Variants in TOPBP1 observed in about 807,000 individuals in gnomAD.
TOPBP1 encodes the protein DNA topoisomerase II binding protein 1, also known as DNA topoisomerase 2-binding protein 1.
In TOPBP1, 28 loss-of-function variants were observed where a neutral mutation model predicts 167.7. That is an observed-to-expected ratio of 0.17 (90% CI 0.12 to 0.23). TOPBP1 has a LOEUF of 0.23. Ranked by LOEUF, TOPBP1 falls within the 10% of genes least tolerant of loss-of-function variation. The pLI, the probability that TOPBP1 is intolerant of heterozygous loss-of-function variation, is 1.00. For synonymous variants in TOPBP1, 598 were observed against 611.4 expected (o/e 0.98, Z 0.32); for missense variants, 1,554 against 1,809.6 (o/e 0.86, Z 2.56).
At position 133,643,241 on chromosome 3, in the gene TOPBP1, T is replaced by G. The variant is rs772823707; in HGVS notation, c.1980A>C (p.Glu660Asp). ...TTGCTAGGAATGTTAAAGACTCTTT[T>G]TCTGCTCCAGCACACTGGCTAAATG... ...VISFSQCAGA[E>D]KESLTFLANL... Residue 660 changes from glutamate (E) to aspartate (D), a missense_variant, in exon 12 of 28, where the codon GAA (glutamate) becomes GAC (aspartate). By Grantham distance (45) the Glu-to-Asp change is conservative. Coordinates refer to ENST00000260810, the MANE Select transcript of TOPBP1 (RefSeq NM_007027.4). The G allele has an allele frequency of 1.5e-5, 24 of 1,606,412 alleles. No homozygotes were observed. The highest frequency in any genetic ancestry group is 2.0e-5 in the Non-Finnish European group (24 of 1,177,514).
At chr3:133,644,524 G>A (rs1012963288) in intron 10 of TOPBP1, among the ~76,000 whole-genome samples, 161 bp from the exon 11 acceptor site, 8 of 152,156 alleles carry the variant, frequency 5.3e-5, no homozygotes, top group Non-Finnish European at 7.4e-5. Flanking sequence ...CCCCGTCTTC[G>A]GGGTTACCAA....
chr3:133,659,837 A>T (rs1486007237), intron 2 of TOPBP1, among the ~76,000 whole-genome samples: 2 of 152,040 alleles, frequency 1.3e-5, no homozygotes, highest in Non-Finnish European at 2.9e-5. Context: ...ATATCCTGAC[A>T]CCCAGTAAGC....
Position 133,657,872 on chromosome 3 carries a change from C to A in TOPBP1, c.289G>T (p.Ala97Ser). Reference protein sequence around the residue: ...CMHHQRCVPRAEHPVYNMVMS... With the variant: ...CMHHQRCVPRSEHPVYNMVMS... ...ACCATATTATAAACTGGATGTTCGG[C>A]TCTTGGGACACATCGCTGGTGGTGC... Residue 97 changes from alanine (A) to serine (S), a missense_variant, in exon 4 of 28, where the codon GCC (alanine) becomes TCC (serine). Physicochemically the swap from Ala to Ser is moderately conservative, Grantham distance 99. This residue lies in a region of TOPBP1 where 1,197 missense variants were observed against 1,351.5 expected (regional missense o/e 0.89). Coordinates refer to ENST00000260810, the MANE Select transcript of TOPBP1 (RefSeq NM_007027.4). 6.2e-7 allele frequency: 1 copy of A among 1,601,550 alleles called. No homozygotes were observed. Among genetic ancestry groups the A allele is most frequent in the South Asian group, 1.1e-5 (1 of 89,024 alleles).
chr3:133,608,747 T>C, intron 26 of TOPBP1, 51 bp from the exon 27 acceptor site: 1 of 1,601,870 alleles, frequency 6.2e-7, no homozygotes, highest in Non-Finnish European at 8.5e-7. Context: ...CCAAAGTAGT[T>C]CAGCTGTATA....
chr3:133,646,983 T>C (rs1394228202), intron 10 of TOPBP1, among the ~76,000 whole-genome samples: 1 of 152,212 alleles, frequency 6.6e-6, no homozygotes, highest in African/African-American at 2.4e-5. Context: ...ATCTGTGCAG[T>C]AACCCAGACC....
rs1934283912 is a variant in TOPBP1 at position 133,601,241 on chromosome 3, T to C, written c.*9A>G. 2.5e-6 allele frequency: 4 copies of C among 1,589,722 alleles called. No homozygotes were observed. The South Asian group carries it at 3.5e-5, about 14-fold the overall frequency. On this transcript the variant is annotated 3_prime_UTR_variant, in exon 28 of 28. Coordinates refer to ENST00000260810, the MANE Select transcript of TOPBP1 (RefSeq NM_007027.4). ...CATTTAATGTTTGGTAACTAAAGGG[T>C]AGATGCGATTAGTGTACTCTAGGTC...
chr3:133,615,444 T>C (rs971687931), intron 23 of TOPBP1, among the ~76,000 whole-genome samples: 2 of 152,196 alleles, frequency 1.3e-5, no homozygotes, highest in Admixed American at 1.3e-4. Context: ...GCCATGGCAC[T>C]CAAGCCTGGG....
At chr3:133,601,415 AT>A in intron 27 of TOPBP1, 22 bp from the exon 28 acceptor site, 1 of 1,431,560 alleles carries the variant, frequency 7.0e-7, no homozygotes, top group Admixed American at 3.2e-5. Context: ...AAAATAAGTG[AT>A]TTTTTAAAAT....
At chr3:133,656,585 G>A in intron 5 of TOPBP1, 91 bp downstream of exon 5, 2 of 1,251,996 alleles carry the variant, frequency 1.6e-6, no homozygotes, top group South Asian at 3.6e-5. Flanking sequence ...TTTTTTCCCT[G>A]AATAGTAAGT....
intron 10 of TOPBP1, among the ~76,000 whole-genome samples, chr3:133,645,700 A>C (rs1047439513): frequency 6.6e-6 from 1 of 152,210 alleles, no homozygotes; most frequent in African/African-American, 2.4e-5. Flanking sequence ...AGTTCTTATA[A>C]ACCATCAGTA....
At chr3:133,632,884 T>G (rs1935535808) in intron 14 of TOPBP1, among the ~76,000 whole-genome samples, 1 of 152,168 alleles carries the variant, frequency 6.6e-6, no homozygotes, top group Admixed American at 6.6e-5. Flanking sequence ...GCAATCCTCC[T>G]GCCTCCGCCT....
intron 21 of TOPBP1, 27 bp downstream of exon 21, chr3:133,618,186 C>T (rs1306089416): frequency 6.3e-7 from 1 of 1,576,794 alleles, no homozygotes. Flanking sequence ...TTAATACAAA[C>T]AAATGCAAAG....
rs767455840 is a variant in TOPBP1 at position 133,624,136 on chromosome 3, T to C, written c.2844A>G (p.Gln948=). 1.2e-6 allele frequency: 2 copies of C among 1,613,740 alleles called. No homozygotes were observed. The highest frequency in any genetic ancestry group is 2.2e-5 in the East Asian group (1 of 44,878). ...FDETVTHFIY[Q]GRPNDTNREY... ...CCCGATTAGTGTCATTTGGCCGCCC[T>C]TGATAGATGAAATGAGTCACTGTTT... The change falls in exon 17 of 28, where the codon CAA becomes CAG. Residue 948 remains glutamine (Q), a synonymous_variant. Coordinates refer to ENST00000260810, the MANE Select transcript of TOPBP1 (RefSeq NM_007027.4).
chr3:133,643,948 G>C lies in TOPBP1; in HGVS notation c.1848+72C>G, dbSNP rs367804982. 342 of 1,425,016 alleles carry C rather than the reference G, an allele frequency of 2.4e-4. 2 individuals are homozygous for C. Among genetic ancestry groups the C allele is most frequent in the Middle Eastern group, 1.1e-3 (6 of 5,458 alleles). The allele number at this position is 1,425,016 out of a possible 1,614,324, so 88.3% of individuals were successfully genotyped here. ...GATTTACTGTAACTGAACTGTCTAA[G>C]AAATAAACATTAACCTTCTTGGCAT... On this transcript the variant is annotated intron_variant, in intron 11 of 27. Coordinates refer to ENST00000260810, the MANE Select transcript of TOPBP1 (RefSeq NM_007027.4).
intron 4 of TOPBP1, among the ~76,000 whole-genome samples, chr3:133,657,251 T>C (rs1936506787): frequency 6.6e-6 from 1 of 151,628 alleles, no homozygotes; most frequent in Non-Finnish European, 1.5e-5. Flanking sequence ...GGCTGAGGCA[T>C]GAAGATTACT....
chr3:133,633,614 G>T (rs1383102756), intron 14 of TOPBP1, among the ~76,000 whole-genome samples: 1 of 152,124 alleles, frequency 6.6e-6, no homozygotes, highest in East Asian at 1.9e-4. Flanking sequence ...AATGTGGTAA[G>T]ATCCCCGTAT....
At chr3:133,633,939 C>T (rs531867819) in intron 14 of TOPBP1, among the ~76,000 whole-genome samples, 18 of 152,304 alleles carry the variant, frequency 1.2e-4, no homozygotes, top group African/African-American at 4.1e-4. Context: ...AAACTTCCAG[C>T]GTTATTTGCA....
chr3:133,622,346 C>G (rs1275118748), intron 19 of TOPBP1, among the ~76,000 whole-genome samples: 1 of 151,898 alleles, frequency 6.6e-6, no homozygotes, highest in African/African-American at 2.4e-5. Context: ...ATGCAACCAC[C>G]ATGCCCGGCT....
At chr3:133,621,538 A>G (rs1486007408) in intron 19 of TOPBP1, among the ~76,000 whole-genome samples, 1 of 152,262 alleles carries the variant, frequency 6.6e-6, no homozygotes, top group Non-Finnish European at 1.5e-5. Context: ...GATTTAAAGT[A>G]TACAGGAGGA....
Sources: allele counts gnomAD v4.1 joint callset (sites outside exome capture counted in the v4.1 genomes callset), GRCh38; gene constraint gnomAD v4.1.1; regional missense constraint gnomAD v4.1.1; transcripts MANE v1.5; gene names NCBI Gene and HGNC (gene_info 2026-07-23, HGNC 2026-07-21).